The following ABCA10 variants were observed in gnomAD, a reference collection of about 807,000 sequenced individuals.
ABCA10 encodes the protein ATP-binding cassette sub-family A member 10.
Under a neutral mutation model 187.5 loss-of-function variants are expected in ABCA10, and 169 were observed. The observed-to-expected ratio is 0.90, with a 90% CI of 0.80 to 1.02. The LOEUF (loss-of-function observed/expected upper bound fraction) is 1.02. Ranked by LOEUF, ABCA10 falls within the 50% of genes least tolerant of loss-of-function variation. The probability of loss-of-function intolerance (pLI) is 0.00; values close to 1 mark genes in which losing one functional copy is unlikely to be tolerated. For missense variants in ABCA10, 1,727 were observed against 1,812.4 expected, an observed-to-expected ratio of 0.95 and a Z score of 0.86; for synonymous variants, 574 against 601.8, an observed-to-expected ratio of 0.95 and a Z score of 0.68.
chr17:69,153,754 T>C (rs2074149378), intron 32 of ABCA10, 77 bp downstream of exon 32: 4 of 1,507,300 alleles, frequency 2.7e-6, no homozygotes, highest in East Asian at 2.3e-5. Context: ...TGTTTATAAT[T>C]TCCTTTTAAT....
intron 9 of ABCA10, among the ~76,000 whole-genome samples, chr17:69,212,236 G>T (rs530111905): frequency 6.6e-6 from 1 of 152,008 alleles, no homozygotes. Flanking sequence ...ATTGTTGACC[G>T]AACAATCATT....
chr17:69,195,681 G>A (rs562427470), intron 11 of ABCA10, among the ~76,000 whole-genome samples: 7 of 151,706 alleles, frequency 4.6e-5, no homozygotes, highest in South Asian at 2.1e-4. Flanking sequence ...AAGGGTCTCC[G>A]GCTTTCCTAG....
chr17:69,180,885 AT>A (rs1412072053), intron 22 of ABCA10, among the ~76,000 whole-genome samples: 4 of 152,098 alleles, frequency 2.6e-5, no homozygotes, highest in Admixed American at 6.6e-5. Flanking sequence ...GATTTCTATA[AT>A]TTTTTCCCTT....
intron 11 of ABCA10, among the ~76,000 whole-genome samples, chr17:69,195,316 G>T (rs1431298380): frequency 1.3e-5 from 2 of 151,860 alleles, no homozygotes; most frequent in African/African-American, 4.8e-5. Context: ...ATAAAGTCAG[G>T]TCAAAGATTA....
In ABCA10 at chr17:69,156,826, C is replaced by G. The variant is rs1813535826; in HGVS notation, c.3455+6G>C. The G allele has an allele frequency of 6.6e-7, 1 of 1,513,124 alleles. No homozygotes were observed. The highest frequency in any genetic ancestry group is 1.3e-5 in the South Asian group (1 of 79,514). The allele number at this position is 1,513,124 out of a possible 1,614,324, so 93.7% of individuals were successfully genotyped here. ...ATATTCAGATCTCAATTAATATTTT[C>G]CCAACCTGAAAACTGGGTCTTTATT... On this transcript the variant is annotated splice_donor_region_variant and intron_variant, in intron 28 of 38. Coordinates refer to ENST00000690296, the MANE Select transcript of ABCA10 (RefSeq NM_001377321.1).
intron 5 of ABCA10, among the ~76,000 whole-genome samples, chr17:69,220,645 G>A (rs900667064): frequency 6.6e-6 from 1 of 152,096 alleles, no homozygotes; most frequent in Non-Finnish European, 1.5e-5. Context: ...TCATTTTTGC[G>A]CATACTAAGT....
In ABCA10 at chr17:69,157,007, AGAAGATTTGATCATTTTCTT is replaced by A. The variant is rs549736476; in HGVS notation, c.3364-104_3364-85del. ...GAATATTTGTCCATTTTTTTGTCAC[AGAAGATTTGATCATTTTCTT>A]GAAGATTTGATCATTTTCTTTTAAA... On this transcript the variant is annotated intron_variant, in intron 27 of 38. Coordinates refer to ENST00000690296, the MANE Select transcript of ABCA10 (RefSeq NM_001377321.1). 892 of 794,878 alleles carry A rather than the reference AGAAGATTTGATCATTTTCTT, an allele frequency of 1.1e-3. 9 individuals carry two copies. The African/African-American group carries it at 0.014, about 13-fold the overall frequency. The allele number at this position is 794,878 out of a possible 1,614,324, so 49.2% of individuals were successfully genotyped here.
chr17:69,191,508 T>A (rs2074459840), intron 16 of ABCA10, among the ~76,000 whole-genome samples, 193 bp from the exon 17 acceptor site: 1 of 152,208 alleles, frequency 6.6e-6, no homozygotes, highest in Admixed American at 6.5e-5. Flanking sequence ...TGGTAGCCTA[T>A]TTTGCATTAT....
chr17:69,225,281 A>T (rs1205981649), intron 3 of ABCA10, 44 bp downstream of exon 3: 2 of 1,605,780 alleles, frequency 1.2e-6, no homozygotes, highest in Admixed American at 1.7e-5. Flanking sequence ...GAACTTGAAA[A>T]TTAAGTCACA....
chr17:69,183,799 A>C (rs967086429), intron 20 of ABCA10, among the ~76,000 whole-genome samples: 1 of 152,158 alleles, frequency 6.6e-6, no homozygotes, highest in Non-Finnish European at 1.5e-5. Flanking sequence ...CACAGGAAGA[A>C]GGAAACTTCC....
chr17:69,148,652 C>T lies in ABCA10; in HGVS notation c.*175G>A, dbSNP rs2074106025. ...TGTTAATTTTGTCTACTACTTTTCCCTATATTTCCTTGTTTCCTTCATCCT... is the reference window on the plus strand; with the variant it reads ...TGTTAATTTTGTCTACTACTTTTCCTTATATTTCCTTGTTTCCTTCATCCT... On this transcript the variant is annotated 3_prime_UTR_variant, in exon 39 of 39. Coordinates refer to ENST00000690296, the MANE Select transcript of ABCA10 (RefSeq NM_001377321.1). 5.1e-6 allele frequency: 3 copies of T among 587,500 alleles called. No individual in the cohort carries two copies. The Admixed American group carries it at 1.0e-4, about 20-fold the overall frequency. 36.4% of individuals were successfully genotyped at this position (587,500 alleles called of 1,614,324 possible).
chr17:69,179,826 C>T (rs1279804512), intron 22 of ABCA10, among the ~76,000 whole-genome samples: 1 of 152,146 alleles, frequency 6.6e-6, no homozygotes, highest in African/African-American at 2.4e-5. Context: ...CTGGCTCATG[C>T]TCAGCCAGAC....
chr17:69,159,772 A>C (rs2074200746), intron 27 of ABCA10, among the ~76,000 whole-genome samples: 2 of 152,182 alleles, frequency 1.3e-5, no homozygotes, highest in African/African-American at 4.8e-5. Flanking sequence ...CAATAAAATA[A>C]ATAAATCAGC....
chr17:69,149,491 G>A (rs80136689), intron 37 of ABCA10, among the ~76,000 whole-genome samples: 68 of 152,224 alleles, frequency 4.5e-4, no homozygotes, highest in African/African-American at 1.6e-3. Context: ...TCTGGAACTA[G>A]TTCAGAAGCC....
At chr17:69,149,436 T>C in intron 37 of ABCA10, 1 of 232,992 alleles carries the variant, frequency 4.3e-6, no homozygotes, top group Admixed American at 5.0e-5. Flanking sequence ...GGCTCCCTTT[T>C]CACACTTGTA....
intron 1 of ABCA10, among the ~76,000 whole-genome samples, chr17:69,240,418 G>C (rs2074896890): frequency 6.6e-6 from 1 of 152,158 alleles, no homozygotes; most frequent in Admixed American, 6.6e-5. Context: ...GGAGAAATAA[G>C]TTCTTTATTT....
intron 1 of ABCA10, among the ~76,000 whole-genome samples, chr17:69,237,673 C>G (rs1213844397): frequency 2.6e-4 from 39 of 152,060 alleles, no homozygotes; most frequent in Non-Finnish European, 1.5e-5. Flanking sequence ...CATGTCCTTC[C>G]TAAAAGCCTC....
In ABCA10 at chr17:69,225,327, T is replaced by C. The variant is rs968671781; in HGVS notation, c.32A>G (p.Lys11Arg). ...ACATTGGTTATTGGACAACACACCT[T>C]TCATAAAGGAAGCCAAGGCCATCTT... MNKMALASFM[K>R]GRTVIGTPDE... is the part of the protein sequence containing the mutation. The change falls in exon 3 of 39, where the codon AAA (lysine) becomes AGA (arginine). Residue 11 changes from lysine (K) to arginine (R), a missense_variant and splice_region_variant. Lys to Arg is a conservative substitution (Grantham distance 26). Transcript: ENST00000690296. The C allele has an allele frequency of 6.2e-7, 1 of 1,613,234 alleles. No homozygotes were observed.
Position 69,182,880 on chromosome 17 carries a change from A to T in ABCA10, c.2498-72T>A. On this transcript the variant is annotated intron_variant, in intron 20 of 38. Transcript: ENST00000690296. Reference sequence around the variant, plus strand: ...GAAAATCAAAGTCAAAGCTTAAAATAATAATGATTGCCAATCGTGTTAAGA... The same window carrying T: ...GAAAATCAAAGTCAAAGCTTAAAATTATAATGATTGCCAATCGTGTTAAGA... 7.3e-6 allele frequency: 11 copies of T among 1,513,064 alleles called. No individual in the cohort carries two copies. The South Asian group carries it at 1.4e-4, about 19-fold the overall frequency. The allele number at this position is 1,513,064 out of a possible 1,614,324, so 93.7% of individuals were successfully genotyped here. A position where few individuals can be genotyped will look rare whatever the true frequency, so the allele number is the denominator to read the frequency against.
Sources: gnomAD v4.1 joint callset for allele counts (sites outside exome capture counted in the v4.1 genomes callset) on GRCh38, gnomAD v4.1.1 for gene constraint, MANE v1.5 for transcripts, NCBI Gene and HGNC (gene_info 2026-07-23, HGNC 2026-07-21) for gene names.